BMPR1B: variants seen among roughly 807,000 people sequenced by gnomAD.
The protein encoded by BMPR1B is bone morphogenetic protein receptor type 1B.
A neutral mutation model predicts 59.1 loss-of-function variants in BMPR1B; 12 were observed. That is an observed-to-expected ratio of 0.20 (90% CI 0.13 to 0.33). BMPR1B has a LOEUF of 0.33. Ranked by LOEUF, BMPR1B falls within the 10% of genes least tolerant of loss-of-function variation. The probability of loss-of-function intolerance (pLI) is 1.00; values close to 1 mark genes in which losing one functional copy is unlikely to be tolerated. For missense variants in BMPR1B, 550 were observed against 610.9 expected (o/e 0.90, Z 1.05); for synonymous variants, 237 against 207.3 (o/e 1.14, Z -1.23).
At chr4:95,087,957 G>C (rs1226281093) in intron 3 of BMPR1B, among the ~76,000 whole-genome samples, 1 of 152,050 alleles carries the variant, frequency 6.6e-6, no homozygotes, top group East Asian at 1.9e-4. Flanking sequence ...TCAAAGTAGT[G>C]TGCAATAACT....
chr4:95,096,322 G>C (rs1730371893), intron 3 of BMPR1B, among the ~76,000 whole-genome samples: 1 of 151,390 alleles, frequency 6.6e-6, no homozygotes, highest in Admixed American at 6.6e-5. Flanking sequence ...TTCCAGAAAA[G>C]ATATTCAGGA....
chr4:94,787,322 T>C (rs1227612765), intron 1 of BMPR1B, among the ~76,000 whole-genome samples: 1 of 152,150 alleles, frequency 6.6e-6, no homozygotes, highest in East Asian at 1.9e-4. Context: ...CAGGACAAGC[T>C]ACTGAAACAT....
chr4:94,863,266 C>G (rs762848385), intron 1 of BMPR1B, among the ~76,000 whole-genome samples: 32 of 152,124 alleles, frequency 2.1e-4, no homozygotes, highest in Non-Finnish European at 3.8e-4. Context: ...AAAACGTACA[C>G]CAAACCCTAC....
intron 10 of BMPR1B, among the ~76,000 whole-genome samples, chr4:95,131,998 G>T (rs1733394989): frequency 6.6e-6 from 1 of 152,162 alleles, no homozygotes; most frequent in Non-Finnish European, 1.5e-5. Flanking sequence ...TAACATCTGT[G>T]CACATAAACC....
intron 3 of BMPR1B, among the ~76,000 whole-genome samples, chr4:95,062,028 C>T (rs564891419): frequency 6.6e-5 from 10 of 152,104 alleles, no homozygotes; most frequent in Non-Finnish European, 1.2e-4. Context: ...TTCCCCTTTG[C>T]CCTTCCACCG....
chr4:95,006,363 C>A (rs537431780), intron 3 of BMPR1B, among the ~76,000 whole-genome samples: 1 of 135,024 alleles, frequency 7.4e-6, no homozygotes, highest in Non-Finnish European at 1.6e-5. Context: ...GGCAACAGGG[C>A]GAGACTCCAT....
chr4:94,966,942 T>G (rs1277650019), intron 2 of BMPR1B, among the ~76,000 whole-genome samples: 2 of 152,110 alleles, frequency 1.3e-5, no homozygotes, highest in African/African-American at 4.8e-5. Flanking sequence ...GGAAGTTCTA[T>G]GAAGAGAGAG....
intron 1 of BMPR1B, among the ~76,000 whole-genome samples, chr4:94,766,993 A>G (rs529535124): frequency 6.6e-6 from 1 of 152,242 alleles, no homozygotes; most frequent in South Asian, 2.1e-4. Context: ...CCACCTGGTA[A>G]GCAGTTGGCA....
chr4:95,006,042 G>A (rs1278673581), intron 3 of BMPR1B, among the ~76,000 whole-genome samples: 5 of 152,196 alleles, frequency 3.3e-5, no homozygotes, highest in African/African-American at 1.2e-4. Flanking sequence ...GGAGGCTGAG[G>A]CAGGCGGATC....
chr4:95,088,149 A>G (rs961774218), intron 3 of BMPR1B, among the ~76,000 whole-genome samples: 2 of 152,138 alleles, frequency 1.3e-5, no homozygotes, highest in African/African-American at 4.8e-5. Context: ...ATTTCTTGCA[A>G]TCTATTTAAT....
At chr4:95,051,365 T>G (rs1578994299) in intron 3 of BMPR1B, among the ~76,000 whole-genome samples, 1 of 152,146 alleles carries the variant, frequency 6.6e-6, no homozygotes, top group South Asian at 2.1e-4. Context: ...CCCGAGAGAT[T>G]TGGGGGACAT....
chr4:94,905,733 CTA>C (rs1728012637), intron 2 of BMPR1B, among the ~76,000 whole-genome samples: 1 of 151,960 alleles, frequency 6.6e-6, no homozygotes, highest in Non-Finnish European at 1.5e-5. Flanking sequence ...CCTCTGGCTT[CTA>C]TGGCTTAACT....
chr4:95,120,807 C>T (rs1192989454), intron 6 of BMPR1B, among the ~76,000 whole-genome samples: 8 of 147,252 alleles, frequency 5.4e-5, no homozygotes, highest in African/African-American at 2.0e-4. Context: ...TCCCCTCCCT[C>T]CCTTCCTTAC....
intron 3 of BMPR1B, among the ~76,000 whole-genome samples, chr4:95,006,544 T>A: frequency 1.2e-5 from 1 of 84,690 alleles, no homozygotes; most frequent in East Asian, 2.4e-4. Flanking sequence ...ACCTTCTGAT[T>A]TTTTTTTTTT....
At chr4:95,060,034 G>C (rs555073674) in intron 3 of BMPR1B, among the ~76,000 whole-genome samples, 2 of 152,300 alleles carry the variant, frequency 1.3e-5, no homozygotes, top group South Asian at 4.1e-4. Flanking sequence ...CTGGTGAGCA[G>C]TATTCGACCA....
At chr4:94,927,382 A>G (rs1378108068) in intron 2 of BMPR1B, among the ~76,000 whole-genome samples, 1 of 152,170 alleles carries the variant, frequency 6.6e-6, no homozygotes, top group African/African-American at 2.4e-5. Flanking sequence ...AATGAAACAT[A>G]GGAACTATAC....
intron 2 of BMPR1B, among the ~76,000 whole-genome samples, chr4:94,886,422 G>A (rs1195502779): frequency 1.3e-5 from 2 of 152,158 alleles, no homozygotes; most frequent in African/African-American, 4.8e-5. Flanking sequence ...GACCAAGCAG[G>A]TCTTAAATCT....
chr4:94,998,992 C>G (rs750816302), intron 3 of BMPR1B, among the ~76,000 whole-genome samples: 25 of 152,062 alleles, frequency 1.6e-4, no homozygotes, highest in Non-Finnish European at 2.8e-4. Flanking sequence ...TTATGCTGTT[C>G]TATCTTGAAA....
chr4:95,048,660 T>C (rs1403039074), intron 3 of BMPR1B, among the ~76,000 whole-genome samples: 1 of 152,204 alleles, frequency 6.6e-6, no homozygotes, highest in African/African-American at 2.4e-5. Flanking sequence ...TGTGTTTTGC[T>C]TGTGGAATTG....
Sources: allele counts gnomAD v4.1 joint callset (sites outside exome capture counted in the v4.1 genomes callset), GRCh38; gene constraint gnomAD v4.1.1; transcripts MANE v1.5; gene names NCBI Gene and HGNC (gene_info 2026-07-23, HGNC 2026-07-21).